The following RPS6KA6 variants were observed in gnomAD, a reference collection of about 807,000 sequenced individuals.
RPS6KA6 encodes the protein ribosomal protein S6 kinase A6.
Under a neutral mutation model 65.4 loss-of-function variants are expected in RPS6KA6, and 27 were observed. The observed-to-expected ratio is 0.41, with a 90% confidence interval of 0.30 to 0.57. RPS6KA6 has a LOEUF of 0.57. Ranked by LOEUF, RPS6KA6 falls within the 20% of genes least tolerant of loss-of-function variation. The probability of loss-of-function intolerance (pLI) is 0.24; values close to 1 mark genes in which losing one functional copy is unlikely to be tolerated. For missense variants in RPS6KA6, 486 were observed against 555.6 expected, an observed-to-expected ratio of 0.87 and a Z score of 1.26; for synonymous variants, 190 against 184.2, an observed-to-expected ratio of 1.03 and a Z score of -0.26.
intron 11 of RPS6KA6, 102 bp from the exon 12 acceptor site, chrX:84,116,389 C>T (rs2034565681): frequency 5.2e-6 from 2 of 382,798 alleles, no homozygotes; most frequent in Admixed American, 5.4e-5. Flanking sequence ...ATATTTCATA[C>T]ATTCCTTGAA....
At chrX:84,091,499 A>G (rs2034043270) in intron 20 of RPS6KA6, among the ~76,000 whole-genome samples, 1 of 112,476 alleles carries the variant, frequency 8.9e-6, no homozygotes, top group African/African-American at 3.2e-5. Context: ...AGTACATGCC[A>G]AATAGTAATG....
chrX:84,083,557 C>T (rs1157012172), intron 20 of RPS6KA6, among the ~76,000 whole-genome samples: 1 of 112,153 alleles, frequency 8.9e-6, no homozygotes, highest in East Asian at 2.8e-4. Context: ...AAAGAACATC[C>T]TTTTCATGGC....
chrX:84,076,831 C>G (rs2033672354), intron 20 of RPS6KA6, among the ~76,000 whole-genome samples: 1 of 110,924 alleles, frequency 9.0e-6, no homozygotes, highest in African/African-American at 3.3e-5. Context: ...AGAAATCAAG[C>G]ACTAAAACGT....
At chrX:84,095,423 T>G (rs1415966198) in intron 20 of RPS6KA6, among the ~76,000 whole-genome samples, 1 of 111,702 alleles carries the variant, frequency 9.0e-6, no homozygotes, top group East Asian at 2.8e-4. Context: ...CTGGGTTGAC[T>G]ATTTTTTCCC....
intron 19 of RPS6KA6, among the ~76,000 whole-genome samples, chrX:84,097,171 C>A (rs754735276): frequency 2.7e-5 from 3 of 111,555 alleles, no homozygotes; most frequent in African/African-American, 9.7e-5. Flanking sequence ...GGAATAATTT[C>A]TACATCCATA....
chrX:84,137,468 AT>A (rs1031874048), intron 6 of RPS6KA6, among the ~76,000 whole-genome samples: 7 of 110,756 alleles, frequency 6.3e-5, no homozygotes, highest in South Asian at 7.5e-4. Flanking sequence ...TGAATTAAGA[AT>A]TTTTTTTTAA....
chrX:84,165,660 T>C (rs1230729239), intron 1 of RPS6KA6, among the ~76,000 whole-genome samples: 1 of 111,408 alleles, frequency 9.0e-6, no homozygotes, highest in Non-Finnish European at 1.9e-5. Context: ...ACACTTTCTC[T>C]TTTTTGATGC....
At chrX:84,157,177 A>G (rs753202422) in intron 2 of RPS6KA6, among the ~76,000 whole-genome samples, 3 of 111,748 alleles carry the variant, frequency 2.7e-5, no homozygotes, top group Admixed American at 1.9e-4. Context: ...ACTTCATAGC[A>G]GCTAAAATAA....
At chrX:84,153,422 A>T (rs2035363265) in intron 3 of RPS6KA6, among the ~76,000 whole-genome samples, 1 of 111,482 alleles carries the variant, frequency 9.0e-6, no homozygotes, top group African/African-American at 3.2e-5. Flanking sequence ...CAACCCATAC[A>T]TTAATGATCA....
At chrX:84,150,383 C>T (rs1288047078) in intron 3 of RPS6KA6, among the ~76,000 whole-genome samples, 2 of 111,752 alleles carry the variant, frequency 1.8e-5, no homozygotes, top group Non-Finnish European at 3.8e-5. Context: ...AGAACCTTAG[C>T]TTTTAGCCTA....
chrX:84,136,142 T>C (rs934563914), intron 6 of RPS6KA6, among the ~76,000 whole-genome samples: 7 of 111,972 alleles, frequency 6.3e-5, no homozygotes, highest in African/African-American at 2.3e-4. Context: ...CATTTACACA[T>C]AGAACTGGAC....
intron 1 of RPS6KA6, among the ~76,000 whole-genome samples, chrX:84,178,653 T>C (rs932708785): frequency 9.0e-6 from 1 of 111,552 alleles, no homozygotes. Context: ...TGATTTTTGA[T>C]ATAGTACAAA....
intron 3 of RPS6KA6, among the ~76,000 whole-genome samples, chrX:84,148,899 TGAC>T (rs1030383467): frequency 1.8e-5 from 2 of 111,289 alleles, no homozygotes; most frequent in African/African-American, 6.5e-5. Context: ...TTGCACAGAT[TGAC>T]TTCCTTTCAT....
chrX:84,059,109 CTTTT>C lies in RPS6KA6; in HGVS notation c.*5164_*5167del, dbSNP rs2033257071. The C allele has an allele frequency of 4.5e-5, 1 of 22,452 alleles. No homozygotes were observed. The highest frequency in any genetic ancestry group is 9.2e-5 in the Non-Finnish European group (1 of 10,894). The allele number at this position is 22,452 out of a possible 1,213,427, so 1.9% of individuals were successfully genotyped here. A position where few individuals can be genotyped will look rare whatever the true frequency, so the allele number is the denominator to read the frequency against. On this transcript the variant is annotated 3_prime_UTR_variant, in exon 22 of 22. Transcript: ENST00000262752. ...TGTGTAACTTTTTAAATGGCTGTTT[CTTTT>C]CTTTTTTTTTTTTTTTTTTTTTTTT...
chrX:84,180,841 A>G (rs1490679098), intron 1 of RPS6KA6, among the ~76,000 whole-genome samples: 1 of 111,723 alleles, frequency 9.0e-6, no homozygotes, highest in African/African-American at 3.2e-5. Flanking sequence ...CAATGTATAG[A>G]GGAAAAAGCA....
At position 84,058,660 on chromosome X, in the gene RPS6KA6, T is replaced by G. The variant is rs2033248774; in HGVS notation, c.*5617A>C. 1 of 111,753 alleles carries G rather than the reference T, an allele frequency of 8.9e-6. No individual in the cohort carries two copies. Among genetic ancestry groups the G allele is most frequent in the East Asian group, 2.8e-4 (1 of 3,597 alleles). The allele number at this position is 111,753 out of a possible 1,213,427, so 9.2% of individuals were successfully genotyped here. On this transcript the variant is annotated 3_prime_UTR_variant, in exon 22 of 22. Coordinates refer to ENST00000262752, the MANE Select transcript of RPS6KA6 (RefSeq NM_014496.5). The stretch of plus-strand genomic sequence containing the variant: ...TAATAAAATAAATGGTAACATAAAA[T>G]TCATAATATAGTCAGAACAATAAAA...
At chrX:84,142,767 A>G (rs995772868) in intron 6 of RPS6KA6, among the ~76,000 whole-genome samples, 2 of 111,642 alleles carry the variant, frequency 1.8e-5, no homozygotes, top group African/African-American at 6.5e-5. Context: ...AAATTCCTTA[A>G]AAGACACAAG....
intron 20 of RPS6KA6, among the ~76,000 whole-genome samples, chrX:84,079,394 T>C (rs763493433): frequency 3.6e-5 from 4 of 110,994 alleles, no homozygotes; most frequent in Non-Finnish European, 7.6e-5. Context: ...GCAGCCGTTT[T>C]TGGGCAGACA....
intron 20 of RPS6KA6, among the ~76,000 whole-genome samples, chrX:84,074,832 C>T (rs755970606): frequency 1.8e-5 from 2 of 111,915 alleles, no homozygotes; most frequent in South Asian, 7.5e-4. Context: ...TCAATCAAAA[C>T]TGACCCAGAA....
Sources: gnomAD v4.1 joint callset for allele counts (sites outside exome capture counted in the v4.1 genomes callset) on GRCh38, gnomAD v4.1.1 for gene constraint, MANE v1.5 for transcripts, NCBI Gene and HGNC (gene_info 2026-07-23, HGNC 2026-07-21) for gene names.